TRIM26: variants seen among roughly 807,000 people sequenced by gnomAD.
The protein encoded by TRIM26 is tripartite motif containing 26, also known as tripartite motif-containing protein 26.
A neutral mutation model predicts 45.5 loss-of-function variants in TRIM26; 16 were observed. The observed-to-expected ratio is 0.35, with a 90% CI of 0.24 to 0.53. The LOEUF is 0.53. TRIM26 is among the 20% of genes least tolerant of loss of function. TRIM26 has a pLI of 0.92. For synonymous variants in TRIM26, 273 were observed against 290.4 expected (o/e 0.94, Z 0.61); for missense variants, 442 against 691.1 (o/e 0.64, Z 4.04).
chr6:30,190,333 A>G lies in TRIM26; in HGVS notation c.766-298T>C, dbSNP rs760073845. The stretch of plus-strand genomic sequence containing the variant: ...CTGGCCGGATGAAGAGAGGTAAGGT[A>G]AAACAGGAAAGGGCTTGGTGAGAAC... On this transcript the variant is annotated intron_variant, in intron 6 of 9. Transcript: ENST00000454678. This position sits in a 1 kb window ranked among gnomAD's most constrained non-coding sequence, Gnocchi z 4.3. 5.8e-6 allele frequency: 3 copies of G among 521,684 alleles called. No homozygotes were observed. The highest frequency in any genetic ancestry group is 1.0e-5 in the Non-Finnish European group (3 of 289,410). The allele number at this position is 521,684 out of a possible 1,614,324, so 32.3% of individuals were successfully genotyped here.
chr6:30,206,649 T>C (rs949636659), intron 1 of TRIM26, among the ~76,000 whole-genome samples: 1 of 152,232 alleles, frequency 6.6e-6, no homozygotes, highest in Non-Finnish European at 1.5e-5. Flanking sequence ...AAGGAATCCT[T>C]TATCATCTTG....
chr6:30,192,539 T>C (rs1018392586), intron 6 of TRIM26, among the ~76,000 whole-genome samples: 1 of 152,106 alleles, frequency 6.6e-6, no homozygotes, highest in East Asian at 1.9e-4. Context: ...CTCACCTGTA[T>C]TTCTATTTTA....
intron 6 of TRIM26, among the ~76,000 whole-genome samples, chr6:30,191,042 A>T (rs1775775170): frequency 6.6e-6 from 1 of 152,172 alleles, no homozygotes; most frequent in Non-Finnish European, 1.5e-5. Flanking sequence ...TTTGCCGTGG[A>T]CCAGGGGAGA....
chr6:30,184,514 T>C lies in TRIM26; in HGVS notation c.*1362A>G, dbSNP rs1774942330. Reference sequence around the variant, plus strand: ...GTGCCCAGCACTGCACTAGGTGCCATGAGAATACAAGAGTAGTATAAGATG... The same window carrying C: ...GTGCCCAGCACTGCACTAGGTGCCACGAGAATACAAGAGTAGTATAAGATG... On this transcript the variant is annotated 3_prime_UTR_variant, in exon 10 of 10. Transcript: ENST00000454678. 6.6e-6 allele frequency: 1 copy of C among 152,290 alleles called. No individual in the cohort carries two copies. Among genetic ancestry groups the C allele is most frequent in the African/African-American group, 2.4e-5 (1 of 41,420 alleles). The allele number at this position is 152,290 out of a possible 1,614,324, so 9.4% of individuals were successfully genotyped here. A position where few individuals can be genotyped will look rare whatever the true frequency, so the allele number is the denominator to read the frequency against.
At position 30,186,547 on chromosome 6, in the gene TRIM26, G is replaced by A. The variant is rs1775211881; in HGVS notation, c.949C>T (p.Leu317=). Residue 317 remains leucine, a synonymous_variant, in exon 10 of 10, where the codon CTG becomes TTG. Coordinates refer to ENST00000454678, the MANE Select transcript of TRIM26 (RefSeq NM_003449.5). This position sits in a 1 kb window ranked among gnomAD's most constrained non-coding sequence, Gnocchi z 7.4. ...TACCCACTGGCCGACTGTGGGTCCA[G>A]GGTGACGCTCACTGTGGGGACAAGG... ...DLEYKTVSVT[L]DPQSASGYLQ... 6.6e-7 allele frequency: 1 copy of A among 1,517,338 alleles called. No individual in the cohort carries two copies. Among genetic ancestry groups the A allele is most frequent in the African/African-American group, 1.4e-5 (1 of 71,376 alleles). The allele number at this position is 1,517,338 out of a possible 1,614,324, so 94.0% of individuals were successfully genotyped here. A position where few individuals can be genotyped will look rare whatever the true frequency, so the allele number is the denominator to read the frequency against.
At position 30,186,111 on chromosome 6, in the gene TRIM26, G is replaced by A; in HGVS notation, c.1385C>T (p.Ala462Val). Residue 462 changes from alanine (A) to valine (V), a missense_variant, in exon 10 of 10, where the codon GCG becomes GTG. Coordinates refer to ENST00000454678, the MANE Select transcript of TRIM26 (RefSeq NM_003449.5). This position sits in a 1 kb window ranked among gnomAD's most constrained non-coding sequence, Gnocchi z 7.4. ...LSLRPEDGVW[A>V]LRLSSSGIWA... ...GATGCCGGAGGAGGAGAGGCGCAGC[G>A]CCCACACGCCATCCTCTGGCCGCAG... 6.3e-7 allele frequency: 1 copy of A among 1,588,186 alleles called. No individual in the cohort carries two copies. The highest frequency in any genetic ancestry group is 8.6e-7 in the Non-Finnish European group (1 of 1,167,114).
At position 30,198,842 on chromosome 6, in the gene TRIM26, G is replaced by T; in HGVS notation, c.262C>A (p.Gln88Lys). The T allele has an allele frequency of 2.5e-6, 4 of 1,612,888 alleles. No homozygotes were observed. The Middle Eastern group carries it at 6.6e-4, about 266-fold the overall frequency. ...IERLKVDKGR[Q>K]PGEVTREQQD... ...TGCTCCCGGGTCACCTCTCCCGGCTGCCTGCCCTTGTCCACCTTCAGCCGC... is the reference window on the plus strand; with the variant it reads ...TGCTCCCGGGTCACCTCTCCCGGCTTCCTGCCCTTGTCCACCTTCAGCCGC... The change falls in exon 4 of 10, where the codon CAG becomes AAG. Residue 88 changes from glutamine (Q) to lysine (K), a missense_variant. By Grantham distance (53) the Gln-to-Lys change is moderately conservative (BLOSUM62 1). Transcript: ENST00000454678. The surrounding 1 kb of genome is among the most constrained non-coding windows in gnomAD (Gnocchi z 6.3).
Position 30,189,593 on chromosome 6 carries a change from T to G in TRIM26, c.789-60A>C. The G allele has an allele frequency of 1.5e-6, 2 of 1,357,744 alleles. No homozygotes were observed. Among genetic ancestry groups the G allele is most frequent in the Non-Finnish European group, 2.1e-6 (2 of 951,704 alleles). The allele number at this position is 1,357,744 out of a possible 1,614,324, so 84.1% of individuals were successfully genotyped here. ...AGCTCTTCTTACTTTCCTTCATACTTATCTCTCAATCCTCATGGCAATTAT... is the reference window on the plus strand; with the variant it reads ...AGCTCTTCTTACTTTCCTTCATACTGATCTCTCAATCCTCATGGCAATTAT... On this transcript the variant is annotated intron_variant, in intron 7 of 9. Coordinates refer to ENST00000454678, the MANE Select transcript of TRIM26 (RefSeq NM_003449.5). This position sits in a 1 kb window ranked among gnomAD's most constrained non-coding sequence, Gnocchi z 5.0.
intron 9 of TRIM26, chr6:30,188,389 T>C: frequency 2.6e-6 from 1 of 386,760 alleles, no homozygotes; most frequent in Non-Finnish European, 4.9e-6. Flanking sequence ...CAAGAAACCC[T>C]GAACAGGTAC....
intron 3 of TRIM26, among the ~76,000 whole-genome samples, 185 bp downstream of exon 3, chr6:30,200,850 A>C (rs1194092114): frequency 6.6e-6 from 1 of 152,244 alleles, no homozygotes; most frequent in Non-Finnish European, 1.5e-5. Context: ...AGTGCTAAGC[A>C]CAAGCCTGGT....
At chr6:30,210,660 T>C (rs1312147605) in intron 1 of TRIM26, among the ~76,000 whole-genome samples, 2 of 152,108 alleles carry the variant, frequency 1.3e-5, no homozygotes, top group Non-Finnish European at 2.9e-5. Context: ...CTCCTACACA[T>C]ACACACTTGT....
chr6:30,196,331 C>A lies in TRIM26; in HGVS notation c.765+185G>T, dbSNP rs1425946914. Among the ~76,000 whole-genome samples the A allele has an allele frequency of 1.3e-5, 2 of 152,224 alleles. No individual in the cohort carries two copies. The highest frequency in any genetic ancestry group is 2.9e-5 in the Non-Finnish European group (2 of 68,034). ...AAAAGTTTATTTTTTGAAGTGACAG[C>A]ATGCCAGTTATTTCATTTTATGCTC... On this transcript the variant is annotated intron_variant, in intron 6 of 9. Transcript: ENST00000454678. The surrounding 1 kb of genome is among the most constrained non-coding windows in gnomAD (Gnocchi z 4.9).
At chr6:30,194,112 G>C (rs1776225756) in intron 6 of TRIM26, among the ~76,000 whole-genome samples, 1 of 152,162 alleles carries the variant, frequency 6.6e-6, no homozygotes. Flanking sequence ...AAGAAAATCA[G>C]TATATCAAAG....
At chr6:30,193,752 G>T (rs1776185108) in intron 6 of TRIM26, among the ~76,000 whole-genome samples, 1 of 152,042 alleles carries the variant, frequency 6.6e-6, no homozygotes, top group African/African-American at 2.4e-5. Context: ...TCTTTCATCA[G>T]TGTTTTGTAG....
chr6:30,189,192 C>T lies in TRIM26; in HGVS notation c.912G>A (p.Leu304=), dbSNP rs544750447. 3 of 1,613,018 alleles carry T rather than the reference C, an allele frequency of 1.9e-6. No individual in the cohort carries two copies. Among genetic ancestry groups the T allele is most frequent in the East Asian group, 2.2e-5 (1 of 44,878 alleles). ...CTGTCTTATATTCCAAGTCTCTCAGCAGCTTCCCTGGGGAGAAAAAAGGAC... is the reference window on the plus strand; with the variant it reads ...CTGTCTTATATTCCAAGTCTCTCAGTAGCTTCCCTGGGGAGAAAAAAGGAC... The part of the protein sequence containing the change: ...QRGLREFQGK[L]LRDLEYKTVS... The change falls in exon 9 of 10, where the codon CTG becomes CTA. Residue 304 remains leucine (L), a synonymous_variant. Coordinates refer to ENST00000454678, the MANE Select transcript of TRIM26 (RefSeq NM_003449.5). The surrounding 1 kb of genome is among the most constrained non-coding windows in gnomAD (Gnocchi z 5.0).
intron 6 of TRIM26, among the ~76,000 whole-genome samples, chr6:30,192,077 A>T (rs2284164): frequency 2.6e-5 from 4 of 151,988 alleles, no homozygotes; most frequent in Non-Finnish European, 5.9e-5. Context: ...GCTGGCCCTG[A>T]GGAGAAGAGG....
intron 9 of TRIM26, chr6:30,188,236 A>AAAAAAAAAAAC (rs1775424531): frequency 4.8e-6 from 1 of 207,812 alleles, no homozygotes; most frequent in African/African-American, 2.5e-5. Context: ...AAAAAAAAAA[A>AAAAAAAAAAAC]AAAAAAGAAA....
At position 30,189,043 on chromosome 6, in the gene TRIM26, G is replaced by T; in HGVS notation, c.937+124C>A. On this transcript the variant is annotated intron_variant, in intron 9 of 9. Coordinates refer to ENST00000454678, the MANE Select transcript of TRIM26 (RefSeq NM_003449.5). This position sits in a 1 kb window ranked among gnomAD's most constrained non-coding sequence, Gnocchi z 5.0. ...AAAGAGGGAGGGGGGCTTCTATTGT[G>T]CAGCTGGGAAATTCTTCCTGTTGCA... The T allele has an allele frequency of 9.4e-7, 1 of 1,059,838 alleles. No homozygotes were observed. The highest frequency in any genetic ancestry group is 1.4e-6 in the Non-Finnish European group (1 of 718,836). 65.7% of individuals were successfully genotyped at this position (1,059,838 alleles called of 1,614,324 possible). A position where few individuals can be genotyped will look rare whatever the true frequency, so the allele number is the denominator to read the frequency against.
chr6:30,201,999 T>C (rs1485537263), intron 2 of TRIM26, among the ~76,000 whole-genome samples: 2 of 152,248 alleles, frequency 1.3e-5, no homozygotes, highest in African/African-American at 4.8e-5. Flanking sequence ...GGCGTGTCTG[T>C]GGGCTTTCAA....
Sources: allele counts gnomAD v4.1 joint callset (sites outside exome capture counted in the v4.1 genomes callset), GRCh38; gene constraint gnomAD v4.1.1; non-coding constraint Gnocchi (gnomAD v3.1); transcripts MANE v1.5; gene names NCBI Gene and HGNC (gene_info 2026-07-23, HGNC 2026-07-21).